Variants in GRAP2 observed in about 807,000 individuals in gnomAD.
GRAP2 encodes the protein GRB2-related adapter protein 2.
Under a neutral mutation model 43.5 loss-of-function variants are expected in GRAP2, and 31 were observed. The observed-to-expected ratio is 0.71, with a 90% confidence interval of 0.54 to 0.96. The LOEUF (loss-of-function observed/expected upper bound fraction) is 0.96. GRAP2 is among the 40% of genes least tolerant of loss of function. The pLI, the probability that GRAP2 is intolerant of heterozygous loss-of-function variation, is 0.00. For synonymous variants in GRAP2, 156 were observed against 164.8 expected (o/e 0.95, Z 0.41); for missense variants, 371 against 424.4 (o/e 0.87, Z 1.11).
At chr22:39,959,029 A>G (rs2067087947) in intron 3 of GRAP2, among the ~76,000 whole-genome samples, 1 of 152,244 alleles carries the variant, frequency 6.6e-6, no homozygotes, top group Non-Finnish European at 1.5e-5. Flanking sequence ...ATCCAAAGCC[A>G]AGGCCTGACG....
chr22:39,915,401 C>T (rs1456641086), intron 1 of GRAP2, among the ~76,000 whole-genome samples: 5 of 152,088 alleles, frequency 3.3e-5, no homozygotes, highest in Non-Finnish European at 7.4e-5. Flanking sequence ...CTGTTCCTTG[C>T]TCCACCTTCT....
intron 1 of GRAP2, among the ~76,000 whole-genome samples, chr22:39,913,779 G>A (rs968100011): frequency 4.6e-5 from 7 of 152,146 alleles, no homozygotes; most frequent in South Asian, 2.1e-4. Flanking sequence ...GATTATCTAC[G>A]CTTCAACTTT....
At chr22:39,952,087 C>T (rs992204415) in intron 2 of GRAP2, among the ~76,000 whole-genome samples, 13 of 147,680 alleles carry the variant, frequency 8.8e-5, no homozygotes, top group African/African-American at 2.0e-4. Context: ...AGTGCAATGG[C>T]GCAATCTCGG....
intron 3 of GRAP2, among the ~76,000 whole-genome samples, chr22:39,958,906 A>G (rs773615378): frequency 3.9e-5 from 6 of 152,150 alleles, no homozygotes; most frequent in Non-Finnish European, 7.3e-5. Context: ...AGCACAGCCA[A>G]ACTTCCCCCT....
intron 2 of GRAP2, chr22:39,947,802 G>A (rs1377764506): frequency 6.5e-6 from 1 of 152,696 alleles, no homozygotes; most frequent in South Asian, 2.1e-4. Context: ...AGTGGCCTTG[G>A]ACTTCTCCCA....
At chr22:39,900,091 T>C (rs1372029582), upstream of GRAP2, among the ~76,000 whole-genome samples, 2 of 152,242 alleles carry the variant, frequency 1.3e-5, no homozygotes, top group Non-Finnish European at 2.9e-5. Context: ...ATTCTTCTTT[T>C]CTATTTCAAT....
intron 3 of GRAP2, among the ~76,000 whole-genome samples, chr22:39,957,193 G>A (rs1206181666): frequency 6.6e-6 from 1 of 152,154 alleles, no homozygotes; most frequent in Non-Finnish European, 1.5e-5. Context: ...ACTCCAGCAA[G>A]GTGCAAGAGC....
chr22:39,926,863 A>G, intron 1 of GRAP2: 1 of 982,856 alleles, frequency 1.0e-6, no homozygotes, highest in Non-Finnish European at 1.2e-6. Flanking sequence ...AGTAAGTATA[A>G]ATATATTTAT....
chr22:39,962,158 C>T (rs1473947833), intron 4 of GRAP2, among the ~76,000 whole-genome samples: 1 of 152,210 alleles, frequency 6.6e-6, no homozygotes, highest in East Asian at 1.9e-4. Flanking sequence ...CGCCGTGGCT[C>T]ATGCCTCTAA....
At chr22:39,951,504 A>T (rs998618054) in intron 2 of GRAP2, among the ~76,000 whole-genome samples, 8 of 152,234 alleles carry the variant, frequency 5.3e-5, no homozygotes, top group African/African-American at 1.9e-4. Flanking sequence ...CATCCAATTT[A>T]AAAATTCTTC....
intron 1 of GRAP2, among the ~76,000 whole-genome samples, chr22:39,943,720 CTTT>C (rs531038576): frequency 3.7e-5 from 5 of 134,122 alleles, no homozygotes; most frequent in Admixed American, 1.5e-4. Context: ...TCTTTTCTTT[CTTT>C]TTTTTTTTTT....
intron 2 of GRAP2, among the ~76,000 whole-genome samples, chr22:39,951,230 A>AT (rs2066978866): frequency 6.6e-6 from 1 of 152,110 alleles, no homozygotes; most frequent in African/African-American, 2.4e-5. Flanking sequence ...CAGGAATCAG[A>AT]TTTTTTTCCT....
intron 1 of GRAP2, among the ~76,000 whole-genome samples, chr22:39,931,764 C>CT (rs1369756573): frequency 6.6e-6 from 1 of 152,180 alleles, no homozygotes; most frequent in African/African-American, 2.4e-5. Flanking sequence ...AAGATTTCTG[C>CT]TTTACCACAA....
At chr22:39,965,888 T>A in intron 4 of GRAP2, 102 bp from the exon 5 acceptor site, 1 of 980,860 alleles carries the variant, frequency 1.0e-6, no homozygotes, top group Admixed American at 1.8e-5. Flanking sequence ...CATATCTACA[T>A]CTCCTGCTCA....
intron 5 of GRAP2, 117 bp from the exon 6 acceptor site, chr22:39,967,925 A>C: frequency 4.6e-6 from 6 of 1,316,030 alleles, no homozygotes; most frequent in Non-Finnish European, 6.1e-6. Context: ...CCCCCACCCC[A>C]CCAGCTATTT....
chr22:39,971,133 AG>A lies in GRAP2; in HGVS notation c.*52del, dbSNP rs764977193. 2.1e-6 allele frequency: 3 copies of A among 1,443,738 alleles called. No homozygotes were observed. The East Asian group carries it at 6.8e-5, about 33-fold the overall frequency. 89.4% of individuals were successfully genotyped at this position (1,443,738 alleles called of 1,614,324 possible). ...TTGTCTGGAGCTGCCCACAAGAAAGAGGGCAAGGAAAAAAGGCTGGACTCCA... is the reference window on the plus strand; with the variant it reads ...TTGTCTGGAGCTGCCCACAAGAAAGAGGCAAGGAAAAAAGGCTGGACTCCA... On this transcript the variant is annotated 3_prime_UTR_variant, in exon 8 of 8. Coordinates refer to ENST00000344138, the MANE Select transcript of GRAP2 (RefSeq NM_004810.4).
In GRAP2 at chr22:39,965,230, A is replaced by G. The variant is rs111918339; in HGVS notation, c.291-760A>G. Among the ~76,000 whole-genome samples, 74 of 152,246 alleles carry G rather than the reference A, an allele frequency of 4.9e-4. 1 individual carries two copies. Among genetic ancestry groups the G allele is most frequent in the South Asian group, 2.1e-3 (10 of 4,826 alleles). ...CATGGCGAAACCCCGTCTTTACTAA[A>G]GACTTGGTGGTGGGTGCCTGTAATC... On this transcript the variant is annotated intron_variant, in intron 4 of 7. Transcript: ENST00000344138.
At position 39,968,151 on chromosome 22, in the gene GRAP2, C is replaced by G; in HGVS notation, c.569C>G (p.Pro190Arg). 6.2e-7 allele frequency: 1 copy of G among 1,607,228 alleles called. No individual in the cohort carries two copies. The highest frequency in any genetic ancestry group is 8.5e-7 in the Non-Finnish European group (1 of 1,176,924). The change falls in exon 6 of 8, where the codon CCC (proline) becomes CGC (arginine). Residue 190 changes from proline to arginine, a missense_variant. By Grantham distance (103) the Pro-to-Arg change is moderately radical. Transcript: ENST00000344138. Reference sequence around the variant, plus strand: ...ATGAACCGGAAGCTGTCGGATCACCCCCCGACCCTTCCCCTGCAGCAGCAC... The same window carrying G: ...ATGAACCGGAAGCTGTCGGATCACCGCCCGACCCTTCCCCTGCAGCAGCAC... ...PSMNRKLSDH[P>R]PTLPLQQHQH... is the part of the protein sequence containing the mutation.
intron 1 of GRAP2, among the ~76,000 whole-genome samples, chr22:39,903,857 C>T (rs1203958965): frequency 6.6e-6 from 1 of 152,136 alleles, no homozygotes; most frequent in Non-Finnish European, 1.5e-5. Flanking sequence ...ATTTATCGAT[C>T]AATTACTATA....
Sources: gnomAD v4.1 joint callset for allele counts (sites outside exome capture counted in the v4.1 genomes callset) on GRCh38, gnomAD v4.1.1 for gene constraint, MANE v1.5 for transcripts, NCBI Gene and HGNC (gene_info 2026-07-23, HGNC 2026-07-21) for gene names.